The following SIPA1L1 variants were observed in gnomAD, a reference collection of about 807,000 sequenced individuals.
SIPA1L1 encodes signal induced proliferation associated 1 like 1, also known as signal-induced proliferation-associated 1-like protein 1.
In SIPA1L1, 26 loss-of-function variants were observed where a neutral mutation model predicts 162.7. The ratio of observed to expected loss-of-function variants is 0.16; its 90% CI spans 0.12 to 0.22. SIPA1L1 has a LOEUF of 0.22. Ranked by LOEUF, SIPA1L1 falls within the 10% of genes least tolerant of loss-of-function variation. The pLI, the probability that SIPA1L1 is intolerant of heterozygous loss-of-function variation, is 1.00. For missense variants in SIPA1L1, 1,874 were observed against 2,241.0 expected (o/e 0.84, Z 3.31); for synonymous variants, 829 against 837.4 (o/e 0.99, Z 0.17).
At chr14:71,479,247 C>T (rs1015689778) in intron 2 of SIPA1L1, among the ~76,000 whole-genome samples, 2 of 152,166 alleles carry the variant, frequency 1.3e-5, no homozygotes, top group South Asian at 2.1e-4. Context: ...GGTATTATAA[C>T]TGCATTCAGT....
rs368022062 is a variant in SIPA1L1, at chr14:71,709,567, C to T, written c.4111C>T (p.Leu1371=). 6 of 1,614,090 alleles carry T rather than the reference C, an allele frequency of 3.7e-6. No homozygotes were observed. The African/African-American group carries it at 8.0e-5, about 22-fold the overall frequency. Reference sequence around the variant, plus strand: ...CCTGGACCGGAAAACAGAGTCTTCCCTGAGCTTAGACATACACAGCAAGAG... The same window carrying T: ...CCTGGACCGGAAAACAGAGTCTTCCTTGAGCTTAGACATACACAGCAAGAG... ...HGLDRKTESS[L]SLDIHSKSQA... The change falls in exon 17 of 24, where the codon CTG becomes TTG. Residue 1371 remains leucine, a synonymous_variant. Transcript: ENST00000381232.
intron 2 of SIPA1L1, among the ~76,000 whole-genome samples, chr14:71,500,735 A>T (rs1216527489): frequency 6.6e-6 from 1 of 152,226 alleles, no homozygotes; most frequent in Non-Finnish European, 1.5e-5. Context: ...GGCAGGGTGC[A>T]GTGGCTCACT....
At chr14:71,637,298 TAGG>T (rs1206129535) in intron 7 of SIPA1L1, among the ~76,000 whole-genome samples, 2 of 152,020 alleles carry the variant, frequency 1.3e-5, no homozygotes, top group Non-Finnish European at 2.9e-5. Flanking sequence ...GCTCTAAAAA[TAGG>T]AGAGTACAAT....
chr14:71,393,136 A>T (rs1033395943), intron 2 of SIPA1L1, among the ~76,000 whole-genome samples: 3 of 152,200 alleles, frequency 2.0e-5, no homozygotes, highest in African/African-American at 4.8e-5. Flanking sequence ...TTCCAATAGG[A>T]TATCGATATA....
chr14:71,501,008 A>AAAAAC lies in SIPA1L1; in HGVS notation c.-464-11720_-464-11716dup, dbSNP rs1348255067. 1.2e-4 allele frequency among the ~76,000 whole-genome samples: 18 copies of AAAAAC among 152,300 alleles called. No homozygotes were observed. In the South Asian group the frequency reaches 1.4e-3, roughly 12 times the overall value. ...GCAACAAGAGCGAAACTCCGCCTCC[A>AAAAAC]AAAACAAAACAAAACAAAAACATTA... On this transcript the variant is annotated intron_variant, in intron 2 of 23. Coordinates refer to ENST00000381232, the MANE Select transcript of SIPA1L1 (RefSeq NM_001386936.1).
At chr14:71,623,964 A>G in intron 6 of SIPA1L1, 84 bp from the exon 7 acceptor site, 2 of 1,171,904 alleles carry the variant, frequency 1.7e-6, no homozygotes, top group South Asian at 3.3e-5. Context: ...GAGGAGCCCC[A>G]CAGTTCAGGC....
At chr14:71,607,464 G>A (rs1448772987) in intron 5 of SIPA1L1, among the ~76,000 whole-genome samples, 1 of 152,096 alleles carries the variant, frequency 6.6e-6, no homozygotes, top group East Asian at 1.9e-4. Context: ...AACTGCTTGA[G>A]CCCAGGAGTT....
At chr14:71,628,710 T>G (rs1018828605) in intron 7 of SIPA1L1, among the ~76,000 whole-genome samples, 2 of 152,232 alleles carry the variant, frequency 1.3e-5, no homozygotes, top group East Asian at 3.9e-4. Context: ...ACAAAGAGCA[T>G]GGAGGTACAA....
chr14:71,573,447 C>T (rs1359525253), intron 4 of SIPA1L1: 1 of 393,662 alleles, frequency 2.5e-6, no homozygotes, highest in Non-Finnish European at 5.1e-6. Context: ...GAAAACTGAG[C>T]ATTCACAGTG....
intron 2 of SIPA1L1, among the ~76,000 whole-genome samples, chr14:71,384,821 C>T (rs533452201): frequency 2.0e-5 from 3 of 152,292 alleles, no homozygotes; most frequent in Admixed American, 6.5e-5. Flanking sequence ...GCCTGACCCG[C>T]GTTTCCTTTT....
chr14:71,634,610 G>A (rs1050768900), intron 7 of SIPA1L1, among the ~76,000 whole-genome samples: 3 of 152,002 alleles, frequency 2.0e-5, no homozygotes, highest in African/African-American at 7.2e-5. Context: ...GGAAAATTAA[G>A]AGAACTTGTT....
intron 2 of SIPA1L1, among the ~76,000 whole-genome samples, chr14:71,384,060 G>A (rs1049449641): frequency 6.6e-6 from 1 of 152,062 alleles, no homozygotes; most frequent in African/African-American, 2.4e-5. Context: ...TAGGTGGCAG[G>A]GTCATTATGT....
rs145632611 is a variant in SIPA1L1, at chr14:71,671,650, T to A, written c.2787T>A (p.Phe929Leu). Residue 929 changes from phenylalanine to leucine, a missense_variant, in exon 11 of 24, where the codon TTT (phenylalanine) becomes TTA (leucine). Phe to Leu is a conservative substitution (Grantham distance 22, BLOSUM62 0). Transcript: ENST00000381232. ...ERGECVSVGS[F>L]INIEEIKEIV... ...GAGAATGTGTTTCAGTGGGTAGTTT[T>A]ATTAACATTGAGGAGATCAAAGAGA... The A allele has an allele frequency of 2.7e-3, 4,302 of 1,612,894 alleles. 6 individuals are homozygous for A. The highest frequency in any genetic ancestry group is 3.3e-3 in the Non-Finnish European group (3,945 of 1,179,348).
intron 5 of SIPA1L1, among the ~76,000 whole-genome samples, chr14:71,590,894 A>G (rs191165522): frequency 6.6e-6 from 1 of 152,238 alleles, no homozygotes; most frequent in East Asian, 1.9e-4. Context: ...CTTCCACACT[A>G]TTAATGCCAG....
intron 2 of SIPA1L1, among the ~76,000 whole-genome samples, chr14:71,328,048 A>T (rs2140231211): frequency 6.6e-6 from 1 of 152,208 alleles, no homozygotes; most frequent in East Asian, 1.9e-4. Flanking sequence ...GAGTCTCAGT[A>T]TTGTTTTATT....
Position 71,588,965 on chromosome 14 carries a change from G to A in SIPA1L1, c.1093G>A (p.Ala365Thr). The change falls in exon 5 of 24, where the codon GCA becomes ACA. Residue 365 changes from alanine to threonine, a missense_variant. By Grantham distance (58) the Ala-to-Thr change is moderately conservative (BLOSUM62 0). Around this residue, in one of 5 missense-constraint regions of SIPA1L1, gnomAD observed 685 missense variants for 828.0 expected, o/e 0.83. Coordinates refer to ENST00000381232, the MANE Select transcript of SIPA1L1 (RefSeq NM_001386936.1). This position sits in a 1 kb window ranked among gnomAD's most constrained non-coding sequence, Gnocchi z 4.3. ...GAGAAACACCACCACTGGAGCTTCC[G>A]CAGCTGCCGTGGCATCCTTGGTCTC... ...KRRNTTTGAS[A>T]AAVASLVSGP... is the part of the protein sequence containing the mutation. 6.2e-7 allele frequency: 1 copy of A among 1,614,104 alleles called. No homozygotes were observed. Among genetic ancestry groups the A allele is most frequent in the Non-Finnish European group, 8.5e-7 (1 of 1,179,974 alleles).
intron 2 of SIPA1L1, among the ~76,000 whole-genome samples, chr14:71,434,917 TG>T (rs1215286283): frequency 6.6e-6 from 1 of 152,210 alleles, no homozygotes; most frequent in Non-Finnish European, 1.5e-5. Flanking sequence ...TTTACACAAA[TG>T]GTAGCATACT....
chr14:71,573,526 G>A (rs1029535922), intron 4 of SIPA1L1: 2 of 456,018 alleles, frequency 4.4e-6, no homozygotes, highest in African/African-American at 4.0e-5. Flanking sequence ...AGAAAGAGTG[G>A]ATGTCTACAG....
At chr14:71,575,320 A>G (rs1378336107) in intron 4 of SIPA1L1, among the ~76,000 whole-genome samples, 1 of 152,254 alleles carries the variant, frequency 6.6e-6, no homozygotes, top group Non-Finnish European at 1.5e-5. Context: ...CCCCCAGCCC[A>G]CACACAGTGC....
Sources: gnomAD v4.1 joint callset for allele counts (sites outside exome capture counted in the v4.1 genomes callset) on GRCh38, gnomAD v4.1.1 for gene constraint, gnomAD v4.1.1 regional missense constraint, Gnocchi (gnomAD v3.1) non-coding constraint, MANE v1.5 for transcripts, NCBI Gene and HGNC (gene_info 2026-07-23, HGNC 2026-07-21) for gene names.